The following INO80 variants were observed in gnomAD, a reference collection of about 807,000 sequenced individuals.
INO80 encodes the protein chromatin-remodeling ATPase INO80.
INO80 carries 20 observed loss-of-function variants against 203.4 expected under a neutral mutation model. The ratio of observed to expected loss-of-function variants is 0.10; its 90% confidence interval spans 0.07 to 0.14. INO80 has a LOEUF of 0.14. INO80 is among the 10% of genes least tolerant of loss of function. The pLI, the probability that INO80 is intolerant of heterozygous loss-of-function variation, is 1.00. For missense variants in INO80, 1,419 were observed against 1,914.4 expected (o/e 0.74, Z 4.83); for synonymous variants, 726 against 685.2 (o/e 1.06, Z -0.93).
chr15:41,115,638 C>A (rs1339044945), intron 1 of INO80, among the ~76,000 whole-genome samples: 1 of 152,196 alleles, frequency 6.6e-6, no homozygotes, highest in South Asian at 2.1e-4. Context: ...AACCTACACA[C>A]GTGTTAGCCC....
chr15:40,987,062 G>A (rs1385800306), intron 31 of INO80, 29 bp downstream of exon 31: 2 of 1,254,762 alleles, frequency 1.6e-6, no homozygotes, highest in Middle Eastern at 1.9e-4. Flanking sequence ...GATACGTGAG[G>A]GGAGTGTATA....
chr15:41,023,943 T>C (rs941883915), intron 25 of INO80, among the ~76,000 whole-genome samples: 2 of 152,054 alleles, frequency 1.3e-5, no homozygotes, highest in African/African-American at 2.4e-5. Context: ...ATAAAGACTC[T>C]GGGCTCATAG....
intron 25 of INO80, among the ~76,000 whole-genome samples, chr15:41,022,880 C>A (rs183363895): frequency 6.6e-6 from 1 of 152,028 alleles, no homozygotes; most frequent in African/African-American, 2.4e-5. Flanking sequence ...GGTGGCAGAT[C>A]GCCTAAGGTC....
Position 41,035,088 on chromosome 15 carries a change from G to A in INO80, c.2908-7352C>T, listed in dbSNP as rs192644967. ...GCTAACATTTGCTGTGAAGAAACAC[G>A]GGTAACAGAGCACAAGGATAGAGTC... is the stretch of plus-strand genomic sequence containing the variant. On this transcript the variant is annotated intron_variant, in intron 24 of 35. Coordinates refer to ENST00000648947, the MANE Select transcript of INO80 (RefSeq NM_017553.3). Among the ~76,000 whole-genome samples, 410 of 152,254 alleles carry A rather than the reference G, an allele frequency of 2.7e-3. 3 individuals are homozygous for A. The highest frequency in any genetic ancestry group is 0.013 in the South Asian group (62 of 4,824).
intron 23 of INO80, among the ~76,000 whole-genome samples, chr15:41,046,414 A>G (rs1267582066): frequency 2.0e-5 from 3 of 149,938 alleles, no homozygotes; most frequent in African/African-American, 7.4e-5. Flanking sequence ...TTTATTACAG[A>G]CGGGGTTTCA....
intron 10 of INO80, among the ~76,000 whole-genome samples, 154 bp downstream of exon 10, chr15:41,074,216 T>C (rs899096507): frequency 2.9e-4 from 44 of 152,154 alleles, no homozygotes; most frequent in Admixed American, 2.8e-3. Flanking sequence ...ACTTCTGTTA[T>C]AGAAACACAC....
intron 9 of INO80, among the ~76,000 whole-genome samples, chr15:41,077,903 C>CTTTTT (rs555381572): frequency 7.2e-6 from 1 of 139,280 alleles, no homozygotes; most frequent in Admixed American, 7.3e-5. Context: ...AGAATAACAT[C>CTTTTT]TTTTTTTTTT....
At chr15:41,083,700 G>A (rs994022127) in intron 7 of INO80, among the ~76,000 whole-genome samples, 2 of 130,104 alleles carry the variant, frequency 1.5e-5, no homozygotes, top group African/African-American at 6.3e-5. Context: ...GGCAAGAGAC[G>A]AGACTCCGTC....
At chr15:41,066,359 G>A (rs2045214617) in intron 14 of INO80, among the ~76,000 whole-genome samples, 1 of 151,908 alleles carries the variant, frequency 6.6e-6, no homozygotes, top group South Asian at 2.1e-4. Flanking sequence ...CAAGGTCTAC[G>A]TTGGCAAGGC....
At chr15:41,012,847 A>G (rs2140452399) in intron 27 of INO80, among the ~76,000 whole-genome samples, 1 of 152,320 alleles carries the variant, frequency 6.6e-6, no homozygotes, top group East Asian at 1.9e-4. Flanking sequence ...AATATAGTCT[A>G]TTTGGAAGAA....
intron 24 of INO80, among the ~76,000 whole-genome samples, chr15:41,031,336 T>C (rs146927746): frequency 1.3e-5 from 2 of 150,906 alleles, no homozygotes; most frequent in Non-Finnish European, 1.5e-5. Flanking sequence ...AGCAATATTG[T>C]AGATAGAAAA....
In INO80 at chr15:40,980,414, T is replaced by C. The variant is rs1893779801; in HGVS notation, c.4480A>G (p.Thr1494Ala). The change falls in exon 36 of 36, where the codon ACA (threonine) becomes GCA (alanine). Residue 1494 changes from threonine to alanine, a missense_variant. Transcript: ENST00000648947. ...KGISASSPLQ[T>A]SLVRPAGLAD... ...AGGCCAGCAGGCCGAACAAGGGATG[T>C]CTGCAGAGGACTGCTGGCGGAGATT... 6.2e-7 allele frequency: 1 copy of C among 1,613,624 alleles called. No individual in the cohort carries two copies. Among genetic ancestry groups the C allele is most frequent in the Non-Finnish European group, 8.5e-7 (1 of 1,179,966 alleles).
At chr15:41,007,149 G>C (rs2044053836) in intron 27 of INO80, among the ~76,000 whole-genome samples, 1 of 149,988 alleles carries the variant, frequency 6.7e-6, no homozygotes, top group African/African-American at 2.4e-5. Flanking sequence ...CAAAAAGGTA[G>C]GCTTCCTGCA....
chr15:41,001,686 C>T (rs8040425), intron 28 of INO80, among the ~76,000 whole-genome samples: 9,869 of 152,246 alleles, frequency 0.065, 927 homozygotes, highest in African/African-American at 0.21. Flanking sequence ...AATGCTGCCC[C>T]GTCAGGACAT....
intron 10 of INO80, 66 bp downstream of exon 10, chr15:41,074,304 T>C (rs921928492): frequency 3.5e-5 from 42 of 1,183,868 alleles, no homozygotes; most frequent in African/African-American, 2.2e-4. Flanking sequence ...CAAAAATTAA[T>C]GTATATAACC....
intron 15 of INO80, among the ~76,000 whole-genome samples, chr15:41,059,291 T>C (rs2140556770): frequency 6.6e-6 from 1 of 150,770 alleles, no homozygotes; most frequent in South Asian, 2.1e-4. Context: ...CAGTCACATT[T>C]ACCACAAACT....
intron 19 of INO80, among the ~76,000 whole-genome samples, chr15:41,053,280 T>C (rs2044917540): frequency 6.6e-6 from 1 of 152,172 alleles, no homozygotes; most frequent in Non-Finnish European, 1.5e-5. Context: ...TAATTTTTTG[T>C]ATTTTTAGTA....
chr15:41,090,685 A>C (rs1182654668), intron 5 of INO80, among the ~76,000 whole-genome samples: 7 of 152,164 alleles, frequency 4.6e-5, no homozygotes, highest in African/African-American at 1.4e-4. Context: ...GGTGATGCAA[A>C]TGTTCTGGAA....
intron 1 of INO80, among the ~76,000 whole-genome samples, chr15:41,098,606 T>C (rs1279568320): frequency 6.6e-6 from 1 of 152,066 alleles, no homozygotes; most frequent in Non-Finnish European, 1.5e-5. Flanking sequence ...GCCCAGGAGG[T>C]TGAGGCTACA....
Sources: gnomAD v4.1 joint callset for allele counts (sites outside exome capture counted in the v4.1 genomes callset) on GRCh38, gnomAD v4.1.1 for gene constraint, MANE v1.5 for transcripts, NCBI Gene and HGNC (gene_info 2026-07-23, HGNC 2026-07-21) for gene names.